CTNND2: variants seen among roughly 807,000 people sequenced by gnomAD.
CTNND2 encodes the protein catenin delta 2.
In CTNND2, 22 loss-of-function variants were observed where a neutral mutation model predicts 144.4. The ratio of observed to expected loss-of-function variants is 0.15; its 90% CI spans 0.11 to 0.22. CTNND2 has a LOEUF of 0.22. Among genes scored for constraint, CTNND2 ranks in the 10% least tolerant of loss-of-function variants. The pLI is 1.00. For missense variants in CTNND2, 1,353 were observed against 1,618.8 expected, an observed-to-expected ratio of 0.84 and a Z score of 2.82; for synonymous variants, 751 against 695.6, an observed-to-expected ratio of 1.08 and a Z score of -1.25.
intron 2 of CTNND2, among the ~76,000 whole-genome samples, chr5:11,670,101 T>G (rs1042791362): frequency 6.6e-6 from 1 of 152,226 alleles, no homozygotes; most frequent in Admixed American, 6.5e-5. Flanking sequence ...TTGATTGCAC[T>G]GCGGTCTGAG....
intron 2 of CTNND2, among the ~76,000 whole-genome samples, chr5:11,585,747 A>G (rs1025510427): frequency 6.6e-6 from 1 of 152,034 alleles, no homozygotes; most frequent in Non-Finnish European, 1.5e-5. Context: ...AGACAACTTA[A>G]GTAGAATAAT....
At chr5:11,680,306 C>T (rs1784370125) in intron 2 of CTNND2, among the ~76,000 whole-genome samples, 1 of 152,090 alleles carries the variant, frequency 6.6e-6, no homozygotes, top group African/African-American at 2.4e-5. Flanking sequence ...CAGTGGTTTC[C>T]ACACTCAACA....
At chr5:11,561,504 G>A (rs551784782) in intron 3 of CTNND2, among the ~76,000 whole-genome samples, 2 of 152,160 alleles carry the variant, frequency 1.3e-5, no homozygotes, top group South Asian at 4.1e-4. Flanking sequence ...TATGCATTTG[G>A]ATGTTTAGGA....
At position 11,506,184 on chromosome 5, in the gene CTNND2, AG is replaced by A. The variant is rs1157624134; in HGVS notation, c.287+58759del. On this transcript the variant is annotated intron_variant, in intron 3 of 21. Transcript: ENST00000304623. ...TCCCCAAGCTCCAGACCTACATATT[AG>A]GGGGCTATCATAGGAGATTGGCCAA... 2.0e-5 allele frequency among the ~76,000 whole-genome samples: 3 copies of A among 152,222 alleles called. No individual in the cohort carries two copies. The East Asian group carries it at 5.8e-4, about 29-fold the overall frequency.
At chr5:11,268,316 C>T (rs1301472022) in intron 9 of CTNND2, among the ~76,000 whole-genome samples, 1 of 152,184 alleles carries the variant, frequency 6.6e-6, no homozygotes, top group East Asian at 1.9e-4. Flanking sequence ...GGCACGGTAG[C>T]TCATGCCTGC....
At chr5:10,995,841 A>G (rs1209324755) in intron 18 of CTNND2, among the ~76,000 whole-genome samples, 1 of 152,214 alleles carries the variant, frequency 6.6e-6, no homozygotes, top group South Asian at 2.1e-4. Flanking sequence ...AGACTGGTAG[A>G]TGGGGTGACA....
chr5:11,275,999 T>C (rs1247274498), intron 9 of CTNND2, among the ~76,000 whole-genome samples: 2 of 152,216 alleles, frequency 1.3e-5, no homozygotes, highest in Non-Finnish European at 2.9e-5. Flanking sequence ...TCTTAGAAAT[T>C]CAAAACAACC....
chr5:11,305,636 G>A (rs1345817387), intron 9 of CTNND2, among the ~76,000 whole-genome samples: 2 of 152,182 alleles, frequency 1.3e-5, no homozygotes, highest in East Asian at 3.8e-4. Flanking sequence ...TTAAGTGACA[G>A]GGCTGCTACG....
At chr5:11,874,275 G>A (rs1156587521) in intron 1 of CTNND2, among the ~76,000 whole-genome samples, 2 of 152,104 alleles carry the variant, frequency 1.3e-5, no homozygotes, top group Admixed American at 6.5e-5. Flanking sequence ...CATTGAACTA[G>A]TAAACATAAG....
chr5:11,031,915 C>A (rs1166062042), intron 16 of CTNND2, among the ~76,000 whole-genome samples: 1 of 152,220 alleles, frequency 6.6e-6, no homozygotes, highest in East Asian at 1.9e-4. Context: ...GTTGTCCTTC[C>A]CTACTTTTGA....
At chr5:11,722,539 G>GAA (rs1247040130) in intron 2 of CTNND2, among the ~76,000 whole-genome samples, 2 of 152,182 alleles carry the variant, frequency 1.3e-5, no homozygotes, top group Non-Finnish European at 2.9e-5. Context: ...ATTTATAAAC[G>GAA]AAAGAGGTTT....
chr5:11,815,078 TA>T, intron 1 of CTNND2, among the ~76,000 whole-genome samples: 1 of 152,244 alleles, frequency 6.6e-6, no homozygotes, highest in Admixed American at 6.5e-5. Context: ...AAATTATATC[TA>T]AACATACAAA....
chr5:11,433,676 T>A (rs1007265474), intron 3 of CTNND2, among the ~76,000 whole-genome samples: 5 of 152,052 alleles, frequency 3.3e-5, no homozygotes, highest in African/African-American at 7.2e-5. Flanking sequence ...AACAAGCAGA[T>A]CTTCTGTGAA....
At chr5:11,239,226 G>A (rs1217938754) in intron 9 of CTNND2, among the ~76,000 whole-genome samples, 2 of 152,260 alleles carry the variant, frequency 1.3e-5, no homozygotes, top group Non-Finnish European at 2.9e-5. Flanking sequence ...TTTTGAACAA[G>A]AACCCTAGGG....
intron 3 of CTNND2, among the ~76,000 whole-genome samples, chr5:11,429,072 G>A (rs1261707184): frequency 6.6e-6 from 1 of 152,050 alleles, no homozygotes; most frequent in Non-Finnish European, 1.5e-5. Context: ...AAAGCTATAG[G>A]GACCAACTTA....
At chr5:11,529,075 C>A (rs768016773) in intron 3 of CTNND2, among the ~76,000 whole-genome samples, 1 of 152,060 alleles carries the variant, frequency 6.6e-6, no homozygotes, top group Non-Finnish European at 1.5e-5. Context: ...AATAGCAATG[C>A]GGAAAACAGG....
chr5:11,835,329 A>G (rs1416242353), intron 1 of CTNND2, among the ~76,000 whole-genome samples: 1 of 152,070 alleles, frequency 6.6e-6, no homozygotes, highest in East Asian at 1.9e-4. Flanking sequence ...ATGAGTTGGG[A>G]AATATTTCCT....
At chr5:11,529,859 C>T (rs1581421280) in intron 3 of CTNND2, among the ~76,000 whole-genome samples, 1 of 152,022 alleles carries the variant, frequency 6.6e-6, no homozygotes, top group Non-Finnish European at 1.5e-5. Context: ...ACAATACACA[C>T]TTGGGTATCT....
intron 2 of CTNND2, among the ~76,000 whole-genome samples, chr5:11,677,516 T>C (rs1185741759): frequency 2.0e-5 from 3 of 152,220 alleles, no homozygotes; most frequent in East Asian, 1.9e-4. Context: ...TAGACTACTA[T>C]AGCGATTATG....
Sources: allele counts gnomAD v4.1 joint callset (sites outside exome capture counted in the v4.1 genomes callset), GRCh38; gene constraint gnomAD v4.1.1; transcripts MANE v1.5; gene names NCBI Gene and HGNC (gene_info 2026-07-23, HGNC 2026-07-21).